The following ITIH3 variants were observed in gnomAD, a reference collection of about 807,000 sequenced individuals.
ITIH3 encodes inter-alpha-trypsin inhibitor heavy chain H3.
A neutral mutation model predicts 96.5 loss-of-function variants in ITIH3; 81 were observed. That is an observed-to-expected ratio of 0.84 (90% CI 0.70 to 1.01). The LOEUF (loss-of-function observed/expected upper bound fraction) is 1.01, where lower values mean the gene tolerates loss of function less well. Among genes scored for constraint, ITIH3 ranks in the 50% least tolerant of loss-of-function variants. The pLI, the probability that ITIH3 is intolerant of heterozygous loss-of-function variation, is 0.00. For missense variants in ITIH3, 1,057 were observed against 1,139.3 expected, an observed-to-expected ratio of 0.93 and a Z score of 1.04; for synonymous variants, 422 against 445.2, an observed-to-expected ratio of 0.95 and a Z score of 0.66.
rs767956822 is a variant in ITIH3, at chr3:52,802,396, C to T, written c.1446C>T (p.Asn482=). 20 of 1,613,852 alleles carry T rather than the reference C, an allele frequency of 1.2e-5. No homozygotes were observed. The highest frequency in any genetic ancestry group is 4.4e-5 in the South Asian group (4 of 91,082). The part of the protein sequence containing the change: ...LTGVEMEYPE[N]AILDLTQNTY... ...GTGTGGAGATGGAGTACCCCGAGAA[C>T]GCTATCCTGGACCTCACCCAGAACA... The change falls in exon 12 of 22, where the codon AAC becomes AAT. Residue 482 remains asparagine (N), a synonymous_variant. Coordinates refer to ENST00000449956, the MANE Select transcript of ITIH3 (RefSeq NM_002217.4).
chr3:52,808,260 C>T (rs761103635), intron 21 of ITIH3, 39 bp downstream of exon 21: 22 of 1,527,084 alleles, frequency 1.4e-5, no homozygotes, highest in South Asian at 5.6e-5. Context: ...TGCTCAGCAA[C>T]GAGAGGAGGA....
chr3:52,802,443 G>A lies in ITIH3; in HGVS notation c.1493G>A (p.Gly498Asp). Residue 498 changes from glycine to aspartate, a missense_variant, in exon 12 of 22, where the codon GGC (glycine) becomes GAC (aspartate). Coordinates refer to ENST00000449956, the MANE Select transcript of ITIH3 (RefSeq NM_002217.4). ...TQNTYQHFYD[G>D]SEIVVAGRLV... ...AACACTTACCAGCACTTCTACGATG[G>A]CTCTGAGATCGTGGTGGCCGGGCGC... 6.2e-7 allele frequency: 1 copy of A among 1,614,016 alleles called. No homozygotes were observed. Among genetic ancestry groups the A allele is most frequent in the Non-Finnish European group, 8.5e-7 (1 of 1,179,902 alleles).
chr3:52,803,826 C>A, intron 13 of ITIH3, 29 bp from the exon 14 acceptor site: 2 of 1,612,542 alleles, frequency 1.2e-6, no homozygotes, highest in Non-Finnish European at 1.7e-6. Flanking sequence ...GCTCTCCAGG[C>A]TGTCCTCCTG....
In ITIH3 at chr3:52,796,717, C is replaced by A. The variant is rs1448326137; in HGVS notation, c.282-22C>A. 3 of 1,607,494 alleles carry A rather than the reference C, an allele frequency of 1.9e-6. No individual in the cohort carries two copies. The South Asian group carries it at 3.3e-5, about 18-fold the overall frequency. On this transcript the variant is annotated intron_variant, in intron 3 of 21. Coordinates refer to ENST00000449956, the MANE Select transcript of ITIH3 (RefSeq NM_002217.4). ...GTCTGGCCCAGTGTGATCTCCCTAC[C>A]CCCAACTCTCTTTCCCTGCAGGACC...
At chr3:52,795,701 G>A (rs1346275601) in intron 2 of ITIH3, 78 bp downstream of exon 2, 6 of 1,405,958 alleles carry the variant, frequency 4.3e-6, no homozygotes, top group Non-Finnish European at 3.0e-6. Context: ...TGAAGGTGTA[G>A]GCTATAACAG....
In ITIH3 at chr3:52,803,290, A is replaced by T. The variant is rs868770407; in HGVS notation, c.1709+484A>T. ...ATTTTATTTATTTATTTATTTATTTATTTATTTATTTATTTATTTTATTTT... is the reference window on the plus strand; with the variant it reads ...ATTTTATTTATTTATTTATTTATTTTTTTATTTATTTATTTATTTTATTTT... On this transcript the variant is annotated intron_variant, in intron 13 of 21. Transcript: ENST00000449956. Among the ~76,000 whole-genome samples, 140 of 142,520 alleles carry T rather than the reference A, an allele frequency of 9.8e-4. 1 individual carries two copies. Among genetic ancestry groups the T allele is most frequent in the South Asian group, 5.0e-3 (22 of 4,432 alleles). 93.5% of individuals were successfully genotyped at this position (142,520 alleles called of 152,430 possible).
At chr3:52,805,557 G>T (rs1700006364) in intron 15 of ITIH3, 1 of 1,327,656 alleles carries the variant, frequency 7.5e-7, no homozygotes, top group Non-Finnish European at 9.6e-7. Flanking sequence ...TGACTTAATG[G>T]CTTGCATTTC....
chr3:52,802,592 G>A (rs538315127), intron 12 of ITIH3, 73 bp downstream of exon 12: 2 of 1,611,136 alleles, frequency 1.2e-6, no homozygotes, highest in East Asian at 2.2e-5. Context: ...GCCTCATGAG[G>A]GTCCAGGAGT....
In ITIH3 at chr3:52,797,823, G is replaced by C; in HGVS notation, c.556G>C (p.Val186Leu). ...KQLVKHFEIE[V>L]DIFEPQGISM... ...CTTACTTTGGCCATTTCAGATCGAG[G>C]TAGACATCTTCGAGCCTCAGGGAAT... The change falls in exon 6 of 22, where the codon GTA becomes CTA. Residue 186 changes from valine (V) to leucine (L), a missense_variant. Physicochemically the swap from Val to Leu is conservative, Grantham distance 32. Transcript: ENST00000449956. 1 of 1,600,800 alleles carries C rather than the reference G, an allele frequency of 6.2e-7. No homozygotes were observed. The highest frequency in any genetic ancestry group is 8.5e-7 in the Non-Finnish European group (1 of 1,172,860).
At position 52,796,366 on chromosome 3, in the gene ITIH3, T is replaced by A. The variant is rs570192455; in HGVS notation, c.115-115T>A. ...TGTAGAAGACCTGGAGGATGAGGGT[T>A]GCGTGCCGGGCAGGGGCCTCAGAGC... On this transcript the variant is annotated intron_variant, in intron 2 of 21. Coordinates refer to ENST00000449956, the MANE Select transcript of ITIH3 (RefSeq NM_002217.4). The A allele has an allele frequency of 1.1e-5, 9 of 828,034 alleles. No individual in the cohort carries two copies. In the South Asian group the frequency reaches 1.6e-4, roughly 15 times the overall value. The allele number at this position is 828,034 out of a possible 1,614,324, so 51.3% of individuals were successfully genotyped here.
intron 13 of ITIH3, among the ~76,000 whole-genome samples, chr3:52,803,302 ATTTATTTT>A (rs1264852285): frequency 1.8e-4 from 22 of 119,642 alleles, no homozygotes; most frequent in Admixed American, 1.5e-3. Context: ...TTATTTATTT[ATTTATTTT>A]ATTTTATTAT....
Position 52,806,279 on chromosome 3 carries a change from TA to T in ITIH3, c.1943-12del. The T allele has an allele frequency of 6.2e-7, 1 of 1,611,896 alleles. No homozygotes were observed. The highest frequency in any genetic ancestry group is 8.5e-7 in the Non-Finnish European group (1 of 1,178,368). ...AGGCCCCGGGAGTCAGCTCCTTCTCTAATGTGTCACCAGTGGACGGGGATCC... is the reference window on the plus strand; with the variant it reads ...AGGCCCCGGGAGTCAGCTCCTTCTCTATGTGTCACCAGTGGACGGGGATCC... On this transcript the variant is annotated splice_polypyrimidine_tract_variant and intron_variant, in intron 17 of 21. Transcript: ENST00000449956.
intron 13 of ITIH3, among the ~76,000 whole-genome samples, chr3:52,803,485 A>C (rs1188182938): frequency 6.6e-6 from 1 of 151,332 alleles, no homozygotes; most frequent in Non-Finnish European, 1.5e-5. Context: ...TGCCTGGCTA[A>C]TTTTTGTATT....
chr3:52,796,515 T>C lies in ITIH3; in HGVS notation c.149T>C (p.Ile50Thr). 5.0e-6 allele frequency: 8 copies of C among 1,613,240 alleles called. No individual in the cohort carries two copies. The highest frequency in any genetic ancestry group is 6.8e-6 in the Non-Finnish European group (8 of 1,179,804). Residue 50 changes from isoleucine to threonine, a missense_variant, in exon 3 of 22, where the codon ATC becomes ACC. Transcript: ENST00000449956. ...ANGIEVYSTK[I>T]NSKVTSRFAH... ...GGCATCGAGGTCTACAGTACCAAAA[T>C]CAACTCCAAGGTGACCTCCCGTTTT...
Position 52,804,765 on chromosome 3 carries a change from A to G in ITIH3, c.1873+31A>G, listed in dbSNP as rs768335204. 19 of 1,583,808 alleles carry G rather than the reference A, an allele frequency of 1.2e-5. No individual in the cohort carries two copies. In the East Asian group the frequency reaches 1.6e-4, roughly 13 times the overall value. ...CCTTTAGCCAGCCACCGGGTTGGGC[A>G]TTATGGAAGGGAGACAAGAGAGAAC... On this transcript the variant is annotated intron_variant, in intron 15 of 21. Transcript: ENST00000449956.
chr3:52,794,899 G>A lies in ITIH3; in HGVS notation c.93+3G>A, dbSNP rs1699518015. 3 of 1,611,690 alleles carry A rather than the reference G, an allele frequency of 1.9e-6. No homozygotes were observed. Among genetic ancestry groups the A allele is most frequent in the South Asian group, 1.1e-5 (1 of 91,034 alleles). On this transcript the variant is annotated splice_donor_region_variant and intron_variant, in intron 1 of 21. Coordinates refer to ENST00000449956, the MANE Select transcript of ITIH3 (RefSeq NM_002217.4). ...GAAGCCCCTTTCGGCTGCTTGGGGT[G>A]AGTCTGCCCCCTCTTTGCCATCTGG...
chr3:52,796,785 G>T lies in ITIH3; in HGVS notation c.328G>T (p.Val110Phe). The T allele has an allele frequency of 6.2e-7, 1 of 1,613,142 alleles. No individual in the cohort carries two copies. The highest frequency in any genetic ancestry group is 8.5e-7 in the Non-Finnish European group (1 of 1,179,568). The change falls in exon 4 of 22, where the codon GTT (valine) becomes TTT (phenylalanine). Residue 110 changes from valine (V) to phenylalanine (F), a missense_variant. By Grantham distance (50) the Val-to-Phe change is conservative. Coordinates refer to ENST00000449956, the MANE Select transcript of ITIH3 (RefSeq NM_002217.4). ...TYPGNVKEKE[V>F]AKKQYEKAVS... ...CCCTGGGAATGTCAAGGAGAAGGAA[G>T]TTGCCAAGAAGCAGTATGAAAAGGC...
intron 7 of ITIH3, 135 bp downstream of exon 7, chr3:52,799,226 C>T: frequency 7.9e-7 from 1 of 1,263,294 alleles, no homozygotes; most frequent in East Asian, 2.5e-5. Flanking sequence ...CAGCTGATGG[C>T]CTAGAGCCTG....
intron 14 of ITIH3, 95 bp from the exon 15 acceptor site, chr3:52,804,631 G>A: frequency 2.2e-6 from 3 of 1,371,266 alleles, no homozygotes; most frequent in South Asian, 2.5e-5. Context: ...CACAGCCTAG[G>A]GCTGGTCGGC....
Sources: allele counts gnomAD v4.1 joint callset (sites outside exome capture counted in the v4.1 genomes callset), GRCh38; gene constraint gnomAD v4.1.1; transcripts MANE v1.5; gene names NCBI Gene and HGNC (gene_info 2026-07-23, HGNC 2026-07-21).